The following PDZD2 variants were observed in gnomAD, a reference collection of about 807,000 sequenced individuals.
PDZD2 encodes the protein PDZ domain containing 2.
PDZD2 carries 90 observed loss-of-function variants against 220.7 expected under a neutral mutation model. That is an observed-to-expected ratio of 0.41 (90% CI 0.34 to 0.49). PDZD2 has a LOEUF of 0.49. Among genes scored for constraint, PDZD2 ranks in the 20% least tolerant of loss-of-function variants. PDZD2 has a pLI of 0.28. For missense variants in PDZD2, 3,174 were observed against 3,608.5 expected, an observed-to-expected ratio of 0.88 and a Z score of 3.08; for synonymous variants, 1,375 against 1,450.5, an observed-to-expected ratio of 0.95 and a Z score of 1.18.
intron 23 of PDZD2, chr5:32,100,413 C>T (rs766863255): frequency 9.9e-6 from 2 of 201,716 alleles, no homozygotes; most frequent in Non-Finnish European, 2.0e-5. Flanking sequence ...GTTTACAATC[C>T]TGATTCAAAC....
intron 2 of PDZD2, among the ~76,000 whole-genome samples, chr5:31,835,555 TG>T (rs1034631858): frequency 4.0e-5 from 6 of 151,268 alleles, no homozygotes; most frequent in African/African-American, 1.5e-4. Context: ...AAGCAGAGAT[TG>T]CAGTGAGCCA....
At chr5:31,677,076 C>G (rs1031156324) in intron 1 of PDZD2, among the ~76,000 whole-genome samples, 8 of 152,106 alleles carry the variant, frequency 5.3e-5, no homozygotes, top group African/African-American at 1.9e-4. Context: ...TACCTAGGAG[C>G]AAGGCCCTGC....
At chr5:31,932,520 G>A (rs1181433780) in intron 2 of PDZD2, among the ~76,000 whole-genome samples, 2 of 150,680 alleles carry the variant, frequency 1.3e-5, no homozygotes, top group African/African-American at 4.9e-5. Flanking sequence ...CTGCACTCCA[G>A]CCTGGGCGAC....
intron 6 of PDZD2, among the ~76,000 whole-genome samples, chr5:32,027,983 G>A (rs577971826): frequency 5.9e-5 from 9 of 152,188 alleles, no homozygotes; most frequent in African/African-American, 2.2e-4. Flanking sequence ...ACCGGGGAAT[G>A]AGCCAACAGA....
At chr5:31,779,070 T>C (rs1306603299) in intron 1 of PDZD2, among the ~76,000 whole-genome samples, 2 of 152,082 alleles carry the variant, frequency 1.3e-5, no homozygotes, top group African/African-American at 2.4e-5. Context: ...TAAAAAAAAT[T>C]AAACCACCAA....
chr5:32,022,190 T>TTG (rs1554026958), intron 6 of PDZD2, among the ~76,000 whole-genome samples: 2 of 144,972 alleles, frequency 1.4e-5, no homozygotes, highest in Non-Finnish European at 3.0e-5. Flanking sequence ...TTTTTGTTTT[T>TTG]TTGTTTTTTG....
At chr5:31,854,915 AG>A (rs34502149) in intron 2 of PDZD2, 30,638 of 918,374 alleles carry the variant, frequency 0.033, 533 homozygotes, top group Non-Finnish European at 0.037. Context: ...CGGAGGGAGG[AG>A]GGGGGGGTCC....
intron 2 of PDZD2, among the ~76,000 whole-genome samples, chr5:31,952,373 T>C (rs1246776464): frequency 1.3e-5 from 2 of 152,208 alleles, no homozygotes; most frequent in African/African-American, 4.8e-5. Context: ...AAAAGTAACA[T>C]TAGAAGAAAA....
intron 1 of PDZD2, among the ~76,000 whole-genome samples, chr5:31,777,293 C>T (rs548056288): frequency 2.6e-5 from 4 of 152,308 alleles, no homozygotes; most frequent in South Asian, 2.1e-4. Flanking sequence ...ACTGCTGGCC[C>T]GCCCGCACTG....
rs757774681 is a variant in PDZD2 at position 32,089,323 on chromosome 5, G to A, written c.5875G>A (p.Glu1959Lys). ...AAPRSPQCVL[E>K]SKPPLATSGP... ...CCCCAGGTCCCCCCAGTGTGTGCTG[G>A]AAAGCAAGCCACCTCTTGCCACCTC... is the stretch of plus-strand genomic sequence containing the variant. The change falls in exon 20 of 25, where the codon GAA (glutamate) becomes AAA (lysine). Residue 1959 changes from glutamate to lysine, a missense_variant. Physicochemically the swap from Glu to Lys is moderately conservative, Grantham distance 56. Transcript: ENST00000438447. 1.9e-6 allele frequency: 3 copies of A among 1,614,038 alleles called. No homozygotes were observed. The highest frequency in any genetic ancestry group is 1.7e-6 in the Non-Finnish European group (2 of 1,180,038).
intron 13 of PDZD2, among the ~76,000 whole-genome samples, chr5:32,060,449 T>C (rs1739559529): frequency 6.6e-6 from 1 of 152,222 alleles, no homozygotes; most frequent in Non-Finnish European, 1.5e-5. Context: ...TACAAATTGT[T>C]GGGTAACCTT....
intron 4 of PDZD2, 54 bp downstream of exon 4, chr5:31,995,772 C>T (rs1040446910): frequency 6.6e-7 from 1 of 1,507,742 alleles, no homozygotes; most frequent in Non-Finnish European, 9.1e-7. Context: ...CTCCTTCCCT[C>T]TCCCTCCCCA....
chr5:32,046,429 G>A (rs1737969518), intron 7 of PDZD2, among the ~76,000 whole-genome samples: 1 of 152,112 alleles, frequency 6.6e-6, no homozygotes, highest in African/African-American at 2.4e-5. Context: ...TTTTAATAGA[G>A]ATAGGGTTTC....
At chr5:31,990,179 G>A (rs1561279817) in intron 3 of PDZD2, among the ~76,000 whole-genome samples, 1 of 152,154 alleles carries the variant, frequency 6.6e-6, no homozygotes, top group African/African-American at 2.4e-5. Context: ...TCACATATGG[G>A]GCAAAGTTGC....
chr5:31,772,685 T>C (rs1489408972), intron 1 of PDZD2, among the ~76,000 whole-genome samples: 1 of 152,250 alleles, frequency 6.6e-6, no homozygotes, highest in Admixed American at 6.5e-5. Context: ...AATTTTAAAT[T>C]TCTATCTTAA....
intron 1 of PDZD2, among the ~76,000 whole-genome samples, chr5:31,737,667 C>A (rs779938261): frequency 3.0e-4 from 45 of 152,292 alleles, no homozygotes; most frequent in Admixed American, 1.5e-3. Context: ...TAAAATAATG[C>A]AGATGTCCTC....
intron 2 of PDZD2, chr5:31,823,194 T>C (rs6870206): frequency 0.53 from 189,973 of 358,340 alleles, 54,378 homozygotes; most frequent in Non-Finnish European, 0.6. Flanking sequence ...CAAGCATCTT[T>C]TGTGGCTCAC....
intron 1 of PDZD2, among the ~76,000 whole-genome samples, chr5:31,692,096 G>A (rs1358113494): frequency 6.6e-6 from 1 of 152,200 alleles, no homozygotes; most frequent in Non-Finnish European, 1.5e-5. Flanking sequence ...GGGTGGCACA[G>A]GAGCCCACGG....
chr5:31,841,208 T>TAC (rs10584079), intron 2 of PDZD2, among the ~76,000 whole-genome samples: 307 of 150,988 alleles, frequency 2.0e-3, no homozygotes, highest in East Asian at 9.2e-3. Context: ...TGCACATGTG[T>TAC]ACACACACAC....
Sources: gnomAD v4.1 joint callset for allele counts (sites outside exome capture counted in the v4.1 genomes callset) on GRCh38, gnomAD v4.1.1 for gene constraint, MANE v1.5 for transcripts, NCBI Gene and HGNC (gene_info 2026-07-23, HGNC 2026-07-21) for gene names.